The following TIMM23 variants were observed in gnomAD, a reference collection of about 807,000 sequenced individuals.
TIMM23 encodes translocase of inner mitochondrial membrane 23.
TIMM23 carries 19 observed loss-of-function variants against 30.7 expected under a neutral mutation model. That is an observed-to-expected ratio of 0.62 (90% confidence interval 0.43 to 0.91). The LOEUF (loss-of-function observed/expected upper bound fraction) is 0.91, where lower values mean the gene tolerates loss of function less well. Ranked by LOEUF, TIMM23 falls within the 40% of genes least tolerant of loss-of-function variation. The pLI, the probability that TIMM23 is intolerant of heterozygous loss-of-function variation, is 0.00. For synonymous variants in TIMM23, 78 were observed against 98.5 expected (o/e 0.79, Z 1.23); for missense variants, 202 against 269.2 (o/e 0.75, Z 1.75).
At chr10:46,001,862 A>G (rs782647755) in intron 6 of TIMM23, among the ~76,000 whole-genome samples, 2 of 152,190 alleles carry the variant, frequency 1.3e-5, no homozygotes, top group Non-Finnish European at 2.9e-5. Context: ...TTATAACCAT[A>G]AGCAGTTAGG....
chr10:45,983,362 C>CT (rs1373101216), intron 4 of TIMM23, among the ~76,000 whole-genome samples: 1 of 152,138 alleles, frequency 6.6e-6, no homozygotes, highest in African/African-American at 2.4e-5. Context: ...ACTGTCTTGA[C>CT]TTTATGTTTC....
chr10:45,975,489 G>A lies in TIMM23; in HGVS notation c.142G>A (p.Val48Met). Reference sequence around the variant, plus strand: ...GAACCCTCTGTCTCCTTATTTAAATGTGGATCCACGATACCTCGTGCAGGT... The same window carrying A: ...GAACCCTCTGTCTCCTTATTTAAATATGGATCCACGATACCTCGTGCAGGT... ...GMNPLSPYLN[V>M]DPRYLVQDTD... The change falls in exon 2 of 7, where the codon GTG becomes ATG. Residue 48 changes from valine to methionine, a missense_variant. Coordinates refer to ENST00000580018, the MANE Select transcript of TIMM23 (RefSeq NM_006327.4). The A allele has an allele frequency of 3.1e-6, 5 of 1,613,862 alleles. No individual in the cohort carries two copies. The highest frequency in any genetic ancestry group is 4.2e-6 in the Non-Finnish European group (5 of 1,179,830).
intron 2 of TIMM23, among the ~76,000 whole-genome samples, chr10:45,981,738 A>T (rs1837852081): frequency 6.6e-6 from 1 of 152,224 alleles, no homozygotes; most frequent in Non-Finnish European, 1.5e-5. Context: ...CCTAGCCATT[A>T]GAGGCTTATT....
At chr10:45,982,401 A>T in intron 2 of TIMM23, 122 bp from the exon 3 acceptor site, 2 of 890,082 alleles carry the variant, frequency 2.2e-6, no homozygotes. Context: ...GTTTAAGTAT[A>T]GGTTTGAGTT....
At chr10:45,998,235 A>G (rs1838407809) in intron 6 of TIMM23, 1 of 286,268 alleles carries the variant, frequency 3.5e-6, no homozygotes, top group South Asian at 1.3e-4. Context: ...CTGTGCTTTA[A>G]AGTCATTGTC....
chr10:45,983,083 T>G (rs1479389456), intron 4 of TIMM23, among the ~76,000 whole-genome samples, 153 bp downstream of exon 4: 5 of 152,266 alleles, frequency 3.3e-5, no homozygotes, highest in Non-Finnish European at 7.3e-5. Context: ...TAAAAGCAAC[T>G]AAGGAATCAG....
intron 6 of TIMM23, among the ~76,000 whole-genome samples, chr10:45,994,324 G>A (rs1838262153): frequency 6.6e-6 from 1 of 151,726 alleles, no homozygotes; most frequent in Non-Finnish European, 1.5e-5. Flanking sequence ...GGGCAGCTGA[G>A]CGAAACTCTG....
At chr10:45,993,244 C>CTTTTTTTTTTTTTTTTTTTTTTTTT (rs782013689) in intron 6 of TIMM23, among the ~76,000 whole-genome samples, 14 of 72,032 alleles carry the variant, frequency 1.9e-4, no homozygotes, top group African/African-American at 8.1e-4. Flanking sequence ...TCTACCATCA[C>CTTTTTTTTTTTTTTTTTTTTTTTTT]TTTTTTTTTT....
rs1469131305 is a variant in TIMM23, at chr10:46,003,544, C to G, written c.*226C>G. On this transcript the variant is annotated 3_prime_UTR_variant, in exon 7 of 7. Coordinates refer to ENST00000580018, the MANE Select transcript of TIMM23 (RefSeq NM_006327.4). ...TGGTGACTCACTGAGTACCATGGTT[C>G]TGTTCTCCTCTGGAGATCTTGCACG... 1 of 423,726 alleles carries G rather than the reference C, an allele frequency of 2.4e-6. No homozygotes were observed. Among genetic ancestry groups the G allele is most frequent in the African/African-American group, 2.0e-5 (1 of 49,220 alleles). 26.2% of individuals were successfully genotyped at this position (423,726 alleles called of 1,614,324 possible).
chr10:46,000,444 T>C (rs1838493527), intron 6 of TIMM23, among the ~76,000 whole-genome samples: 1 of 152,202 alleles, frequency 6.6e-6, no homozygotes, highest in South Asian at 2.1e-4. Flanking sequence ...GGTCTTGAAC[T>C]CCTGGGCTCA....
chr10:45,981,438 C>G (rs1399580895), intron 2 of TIMM23, among the ~76,000 whole-genome samples: 1 of 151,612 alleles, frequency 6.6e-6, no homozygotes, highest in African/African-American at 2.4e-5. Flanking sequence ...TTATAAAACT[C>G]TATACAATTA....
rs1554911860 is a variant in TIMM23 at position 45,972,497 on chromosome 10, C to G, written c.-128C>G. 2.8e-6 allele frequency: 4 copies of G among 1,420,300 alleles called. No homozygotes were observed. The highest frequency in any genetic ancestry group is 2.8e-5 in the South Asian group (2 of 70,994). The allele number at this position is 1,420,300 out of a possible 1,614,324, so 88.0% of individuals were successfully genotyped here. A position where few individuals can be genotyped will look rare whatever the true frequency, so the allele number is the denominator to read the frequency against. On this transcript the variant is annotated 5_prime_UTR_variant, in exon 1 of 7. Transcript: ENST00000580018. ...GTGTGGCGCTTAACGGGAACCGGCG[C>G]CCGGAAGGTCAGCGTGTGAAGTAGG...
rs1293381009 is a variant in TIMM23 at position 45,996,116 on chromosome 10, C to T, written c.515-7087C>T. 1.4e-3 allele frequency among the ~76,000 whole-genome samples: 202 copies of T among 146,230 alleles called. 2 individuals carry two copies. The East Asian group carries it at 0.034, about 25-fold the overall frequency. On this transcript the variant is annotated intron_variant, in intron 6 of 6. Transcript: ENST00000580018. ...GTGGCTCACGTCTGTAATCCCAGCA[C>T]TTTGGGAGGCCAAGGCGGGAGGATC...
At chr10:45,998,875 G>C (rs970028359) in intron 6 of TIMM23, among the ~76,000 whole-genome samples, 1 of 140,550 alleles carries the variant, frequency 7.1e-6, no homozygotes, top group Non-Finnish European at 1.5e-5. Context: ...CTGTATCGCC[G>C]AGGCTAGAGT....
chr10:45,973,623 C>T (rs1203856553), intron 1 of TIMM23, among the ~76,000 whole-genome samples: 1 of 152,152 alleles, frequency 6.6e-6, no homozygotes, highest in African/African-American at 2.4e-5. Flanking sequence ...ATCTACAACA[C>T]ATGGTGTTTT....
At chr10:45,974,759 C>G (rs1262654278) in intron 1 of TIMM23, among the ~76,000 whole-genome samples, 1 of 152,110 alleles carries the variant, frequency 6.6e-6, no homozygotes, top group Non-Finnish European at 1.5e-5. Context: ...AAAAATAGAA[C>G]AAGCAGGACT....
At chr10:45,980,279 A>T (rs1837804124) in intron 2 of TIMM23, among the ~76,000 whole-genome samples, 1 of 150,682 alleles carries the variant, frequency 6.6e-6, no homozygotes, top group Non-Finnish European at 1.5e-5. Context: ...CTTGTTTAAT[A>T]GTAGACACAG....
At chr10:45,986,827 G>GTA (rs1554914854) in intron 5 of TIMM23, among the ~76,000 whole-genome samples, 4 of 145,028 alleles carry the variant, frequency 2.8e-5, no homozygotes, top group Non-Finnish European at 4.5e-5. Flanking sequence ...GTGTGTGTAT[G>GTA]TGTGTGTCTT....
At chr10:45,993,930 TTGAAA>T (rs1838248673) in intron 6 of TIMM23, among the ~76,000 whole-genome samples, 1 of 147,764 alleles carries the variant, frequency 6.8e-6, no homozygotes, top group South Asian at 2.2e-4. Context: ...AAATGAAATA[TTGAAA>T]TGAATAATAA....
Sources: gnomAD v4.1 joint callset for allele counts (sites outside exome capture counted in the v4.1 genomes callset) on GRCh38, gnomAD v4.1.1 for gene constraint, MANE v1.5 for transcripts, NCBI Gene and HGNC (gene_info 2026-07-23, HGNC 2026-07-21) for gene names.